The following PDE5A variants were observed in gnomAD, a reference collection of about 807,000 sequenced individuals.
The protein encoded by PDE5A is cGMP-specific 3',5'-cyclic phosphodiesterase.
A neutral mutation model predicts 110.2 loss-of-function variants in PDE5A; 67 were observed. The ratio of observed to expected loss-of-function variants is 0.61; its 90% CI spans 0.50 to 0.75. The LOEUF is 0.75. Among genes scored for constraint, PDE5A ranks in the 30% least tolerant of loss-of-function variants. PDE5A has a pLI of 0.00. For missense variants in PDE5A, 862 were observed against 1,045.1 expected, an observed-to-expected ratio of 0.82 and a Z score of 2.42; for synonymous variants, 328 against 351.2, an observed-to-expected ratio of 0.93 and a Z score of 0.74.
intron 16 of PDE5A, among the ~76,000 whole-genome samples, chr4:119,506,653 T>A (rs561750635): frequency 6.6e-6 from 1 of 151,978 alleles, no homozygotes. Flanking sequence ...TAGAAAGGCA[T>A]TGTGGTTACA....
chr4:119,505,113 G>T (rs1725509636), intron 17 of PDE5A, among the ~76,000 whole-genome samples: 1 of 151,790 alleles, frequency 6.6e-6, no homozygotes, highest in Non-Finnish European at 1.5e-5. Context: ...CTCCTTTATT[G>T]TTTCTGCATG....
chr4:119,593,370 T>A (rs978155879), intron 3 of PDE5A, among the ~76,000 whole-genome samples: 1 of 152,290 alleles, frequency 6.6e-6, no homozygotes, highest in Middle Eastern at 3.4e-3. Flanking sequence ...TTGTAGTATA[T>A]CCATACCATG....
At chr4:119,502,096 G>C (rs1469952763) in intron 19 of PDE5A, among the ~76,000 whole-genome samples, 1 of 151,992 alleles carries the variant, frequency 6.6e-6, no homozygotes, top group Non-Finnish European at 1.5e-5. Context: ...GTTTCTTTTG[G>C]TATCTCTCCT....
intron 3 of PDE5A, among the ~76,000 whole-genome samples, chr4:119,575,767 A>C (rs1388299506): frequency 6.6e-6 from 1 of 152,236 alleles, no homozygotes; most frequent in Admixed American, 6.5e-5. Context: ...GCTAGGAAGA[A>C]ACTGCATCAA....
chr4:119,572,539 G>A (rs934068443), intron 3 of PDE5A, among the ~76,000 whole-genome samples: 1 of 152,128 alleles, frequency 6.6e-6, no homozygotes, highest in Non-Finnish European at 1.5e-5. Flanking sequence ...AGCCTAAGGC[G>A]ACACTGGAAG....
At chr4:119,501,371 C>T (rs1725325971) in intron 19 of PDE5A, 118 bp from the exon 20 acceptor site, 8 of 654,090 alleles carry the variant, frequency 1.2e-5, no homozygotes, top group African/African-American at 1.8e-5. Context: ...AGTGCAGTGG[C>T]ACCATCTCAG....
intron 12 of PDE5A, among the ~76,000 whole-genome samples, chr4:119,524,155 C>T (rs1200069806): frequency 4.6e-5 from 7 of 152,006 alleles, no homozygotes; most frequent in East Asian, 1.9e-4. Context: ...GTATAATTCT[C>T]GTAAGACTCC....
chr4:119,616,741 TAAA>T, intron 1 of PDE5A, among the ~76,000 whole-genome samples: 1 of 149,542 alleles, frequency 6.7e-6, no homozygotes. Flanking sequence ...TCGTGAATGA[TAAA>T]AAAAAAAAAG....
chr4:119,508,050 A>ATAT (rs1486683468), intron 15 of PDE5A, among the ~76,000 whole-genome samples: 1 of 152,000 alleles, frequency 6.6e-6, no homozygotes, highest in African/African-American at 2.4e-5. Flanking sequence ...AAAAAAAGCC[A>ATAT]TATTAATGGA....
rs1194465816 is a variant in PDE5A, at chr4:119,628,318, T to TATTTGAACCAAGTACATTTTTGC, written c.152+201_152+202insGCAAAAATGTACTTGGTTCAAAT. On this transcript the variant is annotated intron_variant, in intron 1 of 20. Transcript: ENST00000354960. ...TGGGAGGTCGGCAAGTACATTTTTGTATTTGAACTTTGTGAGCAAGTTGTA... is the reference window on the plus strand; with the variant it reads ...TGGGAGGTCGGCAAGTACATTTTTGTATTTGAACCAAGTACATTTTTGCATTTGAACTTTGTGAGCAAGTTGTA... Among the ~76,000 whole-genome samples, 188 of 152,356 alleles carry TATTTGAACCAAGTACATTTTTGC rather than the reference T, an allele frequency of 1.2e-3. 5 individuals are homozygous for TATTTGAACCAAGTACATTTTTGC. In the East Asian group the frequency reaches 0.034, roughly 28 times the overall value.
At chr4:119,598,754 A>G (rs1729239568) in intron 2 of PDE5A, among the ~76,000 whole-genome samples, 1 of 152,186 alleles carries the variant, frequency 6.6e-6, no homozygotes, top group South Asian at 2.1e-4. Context: ...GTGCTACCCA[A>G]TGAGAGCAAC....
chr4:119,512,316 G>A (rs1725770544), intron 14 of PDE5A: 1 of 152,084 alleles, frequency 6.6e-6, no homozygotes, highest in South Asian at 2.1e-4. Context: ...ATTAATTCTT[G>A]CCCTTCTTGT....
chr4:119,583,147 G>A (rs1054461460), intron 3 of PDE5A, among the ~76,000 whole-genome samples: 4 of 152,186 alleles, frequency 2.6e-5, no homozygotes, highest in African/African-American at 7.2e-5. Flanking sequence ...ACAATCTGTT[G>A]TTTAGCATAG....
chr4:119,509,343 G>C (rs1034655648), intron 15 of PDE5A, among the ~76,000 whole-genome samples: 1 of 151,940 alleles, frequency 6.6e-6, no homozygotes, highest in Non-Finnish European at 1.5e-5. Context: ...TGGTTTGAGG[G>C]GCCCTGCAAT....
chr4:119,544,790 C>A (rs1178186669), intron 9 of PDE5A, among the ~76,000 whole-genome samples: 1 of 152,172 alleles, frequency 6.6e-6, no homozygotes, highest in Non-Finnish European at 1.5e-5. Context: ...TCCAGTACAG[C>A]AGTTCAAATC....
intron 3 of PDE5A, among the ~76,000 whole-genome samples, chr4:119,578,261 C>T (rs1381685480): frequency 1.3e-5 from 2 of 152,134 alleles, no homozygotes; most frequent in Admixed American, 6.5e-5. Context: ...GGCCATACTG[C>T]CCAAGGTAAT....
intron 7 of PDE5A, among the ~76,000 whole-genome samples, chr4:119,560,038 C>T (rs995405492): frequency 6.6e-6 from 1 of 152,134 alleles, no homozygotes; most frequent in African/African-American, 2.4e-5. Flanking sequence ...CTTCCTTGTA[C>T]CACATTGTCA....
chr4:119,537,757 C>G (rs1726779075), intron 11 of PDE5A, among the ~76,000 whole-genome samples: 1 of 151,748 alleles, frequency 6.6e-6, no homozygotes, highest in Non-Finnish European at 1.5e-5. Context: ...CTTGGTTGTT[C>G]AACCAGCACC....
intron 10 of PDE5A, among the ~76,000 whole-genome samples, chr4:119,539,759 TATTA>T (rs1463599832): frequency 6.6e-6 from 1 of 152,168 alleles, no homozygotes; most frequent in African/African-American, 2.4e-5. Context: ...AAATCAGGCT[TATTA>T]ACTTAATTTC....
Sources: allele counts gnomAD v4.1 joint callset (sites outside exome capture counted in the v4.1 genomes callset), GRCh38; gene constraint gnomAD v4.1.1; transcripts MANE v1.5; gene names NCBI Gene and HGNC (gene_info 2026-07-23, HGNC 2026-07-21).